NREP: variants seen among roughly 807,000 people sequenced by gnomAD.
NREP encodes the protein neuronal regeneration-related protein.
In NREP, 5 loss-of-function variants were observed where a neutral mutation model predicts 8.6. The ratio of observed to expected loss-of-function variants is 0.58; its 90% CI spans 0.30 to 1.22. The LOEUF (loss-of-function observed/expected upper bound fraction) is 1.22, where lower values mean the gene tolerates loss of function less well. Among genes scored for constraint, NREP ranks in the 50% most tolerant of loss-of-function variants. The probability of loss-of-function intolerance (pLI) is 0.07; values close to 1 mark genes in which losing one functional copy is unlikely to be tolerated. For synonymous variants in NREP, 27 were observed against 28.0 expected (o/e 0.96, Z 0.11); for missense variants, 86 against 82.5 (o/e 1.04, Z -0.17).
chr5:111,955,537 A>G (rs951060284), intron 2 of NREP, among the ~76,000 whole-genome samples: 1 of 151,972 alleles, frequency 6.6e-6, no homozygotes, highest in African/African-American at 2.4e-5. Flanking sequence ...TTGTGATAAG[A>G]AAAACAACTT....
chr5:111,858,634 A>G (rs1180225041), intron 2 of NREP, among the ~76,000 whole-genome samples: 1 of 152,146 alleles, frequency 6.6e-6, no homozygotes, highest in African/African-American at 2.4e-5. Context: ...TAGGCAAGAG[A>G]TTGAGACCCT....
chr5:111,967,059 G>C (rs544131507), intron 2 of NREP, among the ~76,000 whole-genome samples: 1 of 152,246 alleles, frequency 6.6e-6, no homozygotes, highest in African/African-American at 2.4e-5. Flanking sequence ...TGCCCATTTG[G>C]GGTACTTTTT....
intron 2 of NREP, among the ~76,000 whole-genome samples, chr5:111,871,180 T>C (rs1358722260): frequency 3.3e-5 from 5 of 151,772 alleles, no homozygotes; most frequent in South Asian, 2.1e-4. Flanking sequence ...TACATACACA[T>C]AGTATATAGC....
chr5:111,842,818 A>G (rs1447408203), intron 2 of NREP, among the ~76,000 whole-genome samples: 1 of 152,124 alleles, frequency 6.6e-6, no homozygotes, highest in East Asian at 1.9e-4. Context: ...TCACTCCTTC[A>G]TTGCTGAAGA....
intron 2 of NREP, among the ~76,000 whole-genome samples, chr5:111,807,440 C>G (rs1317953333): frequency 6.6e-6 from 1 of 152,122 alleles, no homozygotes; most frequent in Non-Finnish European, 1.5e-5. Context: ...TTGATTAAAA[C>G]AATTCAACCA....
intron 2 of NREP, among the ~76,000 whole-genome samples, chr5:111,772,859 T>C (rs796493178): frequency 7.2e-5 from 11 of 152,360 alleles, no homozygotes; most frequent in African/African-American, 2.2e-4. Context: ...CTGTGTTTCA[T>C]AGCATGACAG....
At chr5:111,914,188 T>G (rs2112567497) in intron 2 of NREP, among the ~76,000 whole-genome samples, 1 of 152,144 alleles carries the variant, frequency 6.6e-6, no homozygotes, top group South Asian at 2.1e-4. Context: ...AAGTAGAGGT[T>G]CCTCTTCAAA....
chr5:111,925,929 G>A (rs1003192518), intron 2 of NREP, among the ~76,000 whole-genome samples: 1 of 151,942 alleles, frequency 6.6e-6, no homozygotes, highest in East Asian at 1.9e-4. Context: ...CTTCTTTTTT[G>A]GTCTGCTATA....
chr5:111,915,769 T>C (rs1466340122), intron 2 of NREP, among the ~76,000 whole-genome samples: 5 of 152,164 alleles, frequency 3.3e-5, no homozygotes, highest in Non-Finnish European at 1.5e-5. Context: ...CCATTTTCAC[T>C]GTTTTCTGTT....
intron 2 of NREP, among the ~76,000 whole-genome samples, chr5:111,952,769 G>A (rs1361587218): frequency 6.6e-6 from 1 of 152,122 alleles, no homozygotes; most frequent in African/African-American, 2.4e-5. Flanking sequence ...TCTCTTGATT[G>A]TTATTGTCCT....
chr5:111,873,756 C>T (rs1359738517), intron 2 of NREP, among the ~76,000 whole-genome samples: 3 of 152,128 alleles, frequency 2.0e-5, no homozygotes, highest in Non-Finnish European at 2.9e-5. Flanking sequence ...TCTGCAAATC[C>T]TTTTTGTCAT....
chr5:111,868,625 A>C (rs1753719435), intron 2 of NREP, among the ~76,000 whole-genome samples: 1 of 152,210 alleles, frequency 6.6e-6, no homozygotes, highest in Non-Finnish European at 1.5e-5. Context: ...TGTTTTTAGA[A>C]GAGCCATGCA....
At chr5:111,933,023 G>A (rs540335061) in intron 2 of NREP, among the ~76,000 whole-genome samples, 9 of 152,182 alleles carry the variant, frequency 5.9e-5, no homozygotes, top group South Asian at 2.1e-4. Context: ...CCTTCAGAGA[G>A]GGAGCTTTGA....
upstream of NREP, among the ~76,000 whole-genome samples, chr5:111,759,066 G>C (rs1262046667): frequency 1.3e-5 from 2 of 152,220 alleles, no homozygotes; most frequent in Non-Finnish European, 2.9e-5. Flanking sequence ...TTTCAGGCCA[G>C]TTTACCAGCC....
In NREP at chr5:111,755,762, A is replaced by G. The variant is rs771617566; in HGVS notation, c.3+8T>C. 1 of 1,613,818 alleles carries G rather than the reference A, an allele frequency of 6.2e-7. No individual in the cohort carries two copies. The highest frequency in any genetic ancestry group is 8.5e-7 in the Non-Finnish European group (1 of 1,179,718). ...TACTGAGAATCTCCTCTGATGACCA[A>G]GTCTTACCATTTTGAGAATCTTAGT... On this transcript the variant is annotated splice_region_variant and intron_variant, in intron 2 of 3. Transcript: ENST00000257435.
At chr5:111,897,579 A>G (rs188289680) in intron 2 of NREP, among the ~76,000 whole-genome samples, 2 of 152,154 alleles carry the variant, frequency 1.3e-5, no homozygotes, top group East Asian at 3.9e-4. Context: ...TCTACTTGAT[A>G]TTATCTTCCT....
At chr5:111,928,867 T>G (rs1755462671) in intron 2 of NREP, among the ~76,000 whole-genome samples, 1 of 152,146 alleles carries the variant, frequency 6.6e-6, no homozygotes, top group Admixed American at 6.6e-5. Flanking sequence ...TCAGCTAACA[T>G]GCCCACTGGA....
intron 2 of NREP, among the ~76,000 whole-genome samples, chr5:111,901,216 A>G (rs753550553): frequency 6.6e-6 from 1 of 152,162 alleles, no homozygotes; most frequent in Non-Finnish European, 1.5e-5. Context: ...CACATTATAA[A>G]TGATCATAAA....
Position 111,772,487 on chromosome 5 carries a change from G to C in NREP, c.136-36980C>G, listed in dbSNP as rs906701804. Among the ~76,000 whole-genome samples the C allele has an allele frequency of 2.0e-5, 3 of 151,808 alleles. No homozygotes were observed. In the South Asian group the frequency reaches 6.3e-4, roughly 32 times the overall value. ...TGACCCAAGAAATATTCCAGTTTCC[G>C]AAAGTCTGGAGGTTCAGCTGCAATC... On this transcript the variant is annotated intron_variant, in intron 2 of 3. Coordinates refer to the NREP transcript ENST00000395634.
Sources: allele counts gnomAD v4.1 joint callset (sites outside exome capture counted in the v4.1 genomes callset), GRCh38; gene constraint gnomAD v4.1.1; transcripts MANE v1.5; gene names NCBI Gene and HGNC (gene_info 2026-07-23, HGNC 2026-07-21).